The following SGSH variants were observed in gnomAD, a reference collection of about 807,000 sequenced individuals.
SGSH encodes heparan sulfate sulfatase.
Under a neutral mutation model 51.0 loss-of-function variants are expected in SGSH, and 48 were observed. The observed-to-expected ratio is 0.94, with a 90% CI of 0.75 to 1.20. The LOEUF (loss-of-function observed/expected upper bound fraction) is 1.20, where lower values mean the gene tolerates loss of function less well. Among genes scored for constraint, SGSH ranks in the 50% most tolerant of loss-of-function variants. The pLI, the probability that SGSH is intolerant of heterozygous loss-of-function variation, is 0.00. For missense variants in SGSH, 662 were observed against 717.8 expected, an observed-to-expected ratio of 0.92 and a Z score of 0.89; for synonymous variants, 321 against 313.4, an observed-to-expected ratio of 1.02 and a Z score of -0.26.
chr17:80,202,454 G>A, downstream of SGSH: 1 of 1,599,360 alleles, frequency 6.3e-7, no homozygotes, highest in South Asian at 1.1e-5. Context: ...TGCGTCCCCA[G>A]AGAGGCCCAC....
At chr17:80,205,242 C>T (rs2041226646), downstream of SGSH, 3 of 1,548,374 alleles carry the variant, frequency 1.9e-6, no homozygotes, top group Middle Eastern at 1.7e-4. Context: ...ACCCCTTCCA[C>T]CTTCCCTCCC....
In SGSH at chr17:80,212,399, C is replaced by T; in HGVS notation, c.746-125G>A. 2.4e-6 allele frequency: 2 copies of T among 828,536 alleles called. No individual in the cohort carries two copies. The highest frequency in any genetic ancestry group is 2.0e-6 in the Non-Finnish European group (1 of 500,134). The allele number at this position is 828,536 out of a possible 1,614,324, so 51.3% of individuals were successfully genotyped here. ...CTCCAGCGCTTTCCGGATTCGAAAG[C>T]ACCCTGTAGTTCTTCCCAATGGCCC... On this transcript the variant is annotated intron_variant, in intron 6 of 7. Coordinates refer to ENST00000326317, the MANE Select transcript of SGSH (RefSeq NM_000199.5). The surrounding 1 kb of genome is among the most constrained non-coding windows in gnomAD (Gnocchi z 5.9).
chr17:80,210,481 G>T lies in SGSH; in HGVS notation c.1480C>A (p.Gln494Lys). 1 of 1,601,332 alleles carries T rather than the reference G, an allele frequency of 6.2e-7. No individual in the cohort carries two copies. ...AGCTCATTGTGGAGGGGCTGGCACT[G>T]GGGAGAGAGCTTCTCCTCCAGGACG... ...DGVLEEKLSP[Q>K]CQPLHNEL Residue 494 changes from glutamine to lysine, a missense_variant, in exon 8 of 8, where the codon CAG becomes AAG. Gln to Lys is a moderately conservative substitution (Grantham distance 53). Coordinates refer to ENST00000326317, the MANE Select transcript of SGSH (RefSeq NM_000199.5).
At position 80,215,148 on chromosome 17, in the gene SGSH, A is replaced by G. The variant is rs771639203; in HGVS notation, c.250-10T>C. ...ACATCCCATTCTGATGCTGCCAGCA[A>G]AGGCGCATGAGGTCCGGGGCCCCCG... On this transcript the variant is annotated splice_polypyrimidine_tract_variant and intron_variant, in intron 2 of 7. Coordinates refer to ENST00000326317, the MANE Select transcript of SGSH (RefSeq NM_000199.5). 8.7e-6 allele frequency: 14 copies of G among 1,607,064 alleles called. No homozygotes were observed. The highest frequency in any genetic ancestry group is 2.2e-5 in the South Asian group (2 of 90,940).
rs2041615714 is a variant in SGSH at position 80,210,807 on chromosome 17, CG to C, written c.1153del (p.Arg385AlafsTer28). ...CTTGAAGTTGAGGTTGTGCACGAGG[CG>C]GAAGTGCCGGTGCTGCACGGAGCGC... ...PMRSVQHRHF[R>X]LVHNLNFKMP... On this transcript the variant is annotated frameshift_variant, in exon 8 of 8. Coordinates refer to ENST00000326317, the MANE Select transcript of SGSH (RefSeq NM_000199.5). LOFTEE classifies it high-confidence loss of function. 6.2e-7 allele frequency: 1 copy of C among 1,614,054 alleles called. No homozygotes were observed. Among genetic ancestry groups the C allele is most frequent in the Non-Finnish European group, 8.5e-7 (1 of 1,180,024 alleles).
Position 80,212,127 on chromosome 17 carries a change from G to A in SGSH, c.893C>T (p.Ser298Phe). 1 of 1,613,630 alleles carries A rather than the reference G, an allele frequency of 6.2e-7. No individual in the cohort carries two copies. Among genetic ancestry groups the A allele is most frequent in the Non-Finnish European group, 8.5e-7 (1 of 1,180,028 alleles). ...PGTAEPLLVS[S>F]PEHPKRWGQV... ...GCCCCAGCGTTTTGGGTGCTCCGGG[G>A]ATGACACCAGTAAGGGTTCAGCAGT... Residue 298 changes from serine to phenylalanine, a missense_variant, in exon 7 of 8, where the codon TCC becomes TTC. Physicochemically the swap from Ser to Phe is radical, Grantham distance 155. Coordinates refer to ENST00000326317, the MANE Select transcript of SGSH (RefSeq NM_000199.5). This position sits in a 1 kb window ranked among gnomAD's most constrained non-coding sequence, Gnocchi z 5.9.
downstream of SGSH, chr17:80,209,064 C>T (rs569056921): frequency 3.3e-5 from 5 of 153,756 alleles, no homozygotes; most frequent in South Asian, 4.1e-4. Flanking sequence ...CAAGGCCCAG[C>T]GGACTCTGCC....
At position 80,212,162 on chromosome 17, in the gene SGSH, G is replaced by A. The variant is rs767718910; in HGVS notation, c.858C>T (p.Tyr286=). The A allele has an allele frequency of 2.5e-6, 4 of 1,613,560 alleles. No homozygotes were observed. Among genetic ancestry groups the A allele is most frequent in the South Asian group, 1.1e-5 (1 of 91,084 alleles). Residue 286 remains tyrosine, a synonymous_variant, in exon 7 of 8, where the codon TAC becomes TAT. Coordinates refer to ENST00000326317, the MANE Select transcript of SGSH (RefSeq NM_000199.5). This position sits in a 1 kb window ranked among gnomAD's most constrained non-coding sequence, Gnocchi z 5.9. ...GTAAGGGTTCAGCAGTGCCCGGCCA[G>A]TACAGGTTGGTCCTGCCGCTGGGGA... is the stretch of plus-strand genomic sequence containing the variant. The part of the protein sequence containing the change: ...IPFPSGRTNL[Y]WPGTAEPLLV...
At position 80,210,362 on chromosome 17, in the gene SGSH, C is replaced by T; in HGVS notation, c.*90G>A. On this transcript the variant is annotated 3_prime_UTR_variant, in exon 8 of 8. Coordinates refer to ENST00000326317, the MANE Select transcript of SGSH (RefSeq NM_000199.5). ...GGGAGTGTGGACGGAAGGGCTGTTGCCACTACTCCCCAGGCTGGCCGGCCA... is the reference window on the plus strand; with the variant it reads ...GGGAGTGTGGACGGAAGGGCTGTTGTCACTACTCCCCAGGCTGGCCGGCCA... The T allele has an allele frequency of 1.4e-6, 2 of 1,468,532 alleles. No individual in the cohort carries two copies. The highest frequency in any genetic ancestry group is 5.0e-5 in the East Asian group (2 of 40,318). The allele number at this position is 1,468,532 out of a possible 1,614,324, so 91.0% of individuals were successfully genotyped here. A position where few individuals can be genotyped will look rare whatever the true frequency, so the allele number is the denominator to read the frequency against.
chr17:80,211,996 C>A, intron 7 of SGSH, 75 bp downstream of exon 7: 1 of 1,202,352 alleles, frequency 8.3e-7, no homozygotes, highest in Non-Finnish European at 1.2e-6. Context: ...GGGTGTGGAG[C>A]AGCATCTGAC....
chr17:80,205,385 G>A, downstream of SGSH: 1 of 1,230,190 alleles, frequency 8.1e-7, no homozygotes, highest in Non-Finnish European at 1.1e-6. Flanking sequence ...AGCGGGGTGT[G>A]CAGGGTCAGG....
chr17:80,220,202 TG>T, intron 1 of SGSH, 23 bp downstream of exon 1: 26 of 1,495,548 alleles, frequency 1.7e-5, no homozygotes, highest in South Asian at 3.7e-5. Context: ...CAGGTGGGCG[TG>T]GGGGGGCGGC....
chr17:80,210,719 G>A lies in SGSH; in HGVS notation c.1242C>T (p.Arg414=). Residue 414 remains arginine, a synonymous_variant, in exon 8 of 8, where the codon CGC becomes CGT. Transcript: ENST00000326317. The part of the protein sequence containing the change: ...VSPTFQDLLN[R]TTAGQPTGWY... ...AGCCCGTGGGCTGACCAGCTGTGGT[G>A]CGGTTCAGGAGGTCCTGGAAGGTGG... 1 of 1,614,092 alleles carries A rather than the reference G, an allele frequency of 6.2e-7. No homozygotes were observed. Among genetic ancestry groups the A allele is most frequent in the Non-Finnish European group, 8.5e-7 (1 of 1,180,038 alleles).
chr17:80,211,136 C>T, intron 7 of SGSH, 125 bp from the exon 8 acceptor site: 5 of 1,526,444 alleles, frequency 3.3e-6, no homozygotes, highest in East Asian at 4.9e-5. Flanking sequence ...CGGGAGGTGC[C>T]TTGTCGAGCC....
chr17:80,211,117 A>T (rs966125156), intron 7 of SGSH, 106 bp from the exon 8 acceptor site: 2 of 1,539,928 alleles, frequency 1.3e-6, no homozygotes, highest in South Asian at 1.2e-5. Flanking sequence ...TCTCCAATCC[A>T]ATCAGCAGCG....
downstream of SGSH, chr17:80,201,808 C>A (rs918043908): frequency 1.9e-6 from 3 of 1,613,766 alleles, no homozygotes; most frequent in South Asian, 3.3e-5. The surrounding 1 kb of genome is among the most constrained non-coding windows in gnomAD (Gnocchi z 5.0). Flanking sequence ...CTGGAGGAGG[C>A]CGTGGGGCTT....
chr17:80,211,069 C>T (rs1013404375), intron 7 of SGSH, 58 bp from the exon 8 acceptor site: 16 of 1,590,486 alleles, frequency 1.0e-5, no homozygotes, highest in African/African-American at 5.4e-5. Flanking sequence ...GAGCTGCCCT[C>T]GGAAGGGCCG....
chr17:80,206,230 C>G (rs8068719), downstream of SGSH, among the ~76,000 whole-genome samples: 73,411 of 152,044 alleles, frequency 0.48, 18,890 homozygotes, highest in Non-Finnish European at 0.58. Context: ...TTTGGGAACC[C>G]GAGGTGGGAG....
chr17:80,214,745 C>G lies in SGSH; in HGVS notation c.376G>C (p.Val126Leu), dbSNP rs775553760. Residue 126 changes from valine to leucine, a missense_variant, in exon 4 of 8, where the codon GTG (valine) becomes CTG (leucine). Physicochemically the swap from Val to Leu is conservative, Grantham distance 32 (BLOSUM62 1). Transcript: ENST00000326317. Reference protein sequence around the residue: ...VRTGIIGKKHVGPETVYPFDF... With the variant: ...VRTGIIGKKHLGPETVYPFDF... ...AACGGGTACACGGTCTCCGGCCCCACGTGCTTCTTCCCGATGATGCCTGGG... is the reference window on the plus strand; with the variant it reads ...AACGGGTACACGGTCTCCGGCCCCAGGTGCTTCTTCCCGATGATGCCTGGG... 26 of 1,612,412 alleles carry G rather than the reference C, an allele frequency of 1.6e-5. No homozygotes were observed. The highest frequency in any genetic ancestry group is 2.1e-5 in the Non-Finnish European group (25 of 1,180,028).
Sources: allele counts gnomAD v4.1 joint callset (sites outside exome capture counted in the v4.1 genomes callset), GRCh38; gene constraint gnomAD v4.1.1; non-coding constraint Gnocchi (gnomAD v3.1); transcripts MANE v1.5; gene names NCBI Gene and HGNC (gene_info 2026-07-23, HGNC 2026-07-21).